ATP10A: variants seen among roughly 807,000 people sequenced by gnomAD.
ATP10A encodes ATPase phospholipid transporting 10A (putative).
A neutral mutation model predicts 147.8 loss-of-function variants in ATP10A; 111 were observed. The observed-to-expected ratio is 0.75, with a 90% CI of 0.64 to 0.88. The LOEUF (loss-of-function observed/expected upper bound fraction) is 0.88. ATP10A is among the 40% of genes least tolerant of loss of function. ATP10A has a pLI of 0.00. For missense variants in ATP10A, 1,927 were observed against 1,959.0 expected, an observed-to-expected ratio of 0.98 and a Z score of 0.31; for synonymous variants, 875 against 841.6, an observed-to-expected ratio of 1.04 and a Z score of -0.69.
At chr15:25,680,703 C>A (rs1291781652) in intron 19 of ATP10A, 107 bp downstream of exon 19, 2 of 1,029,706 alleles carry the variant, frequency 1.9e-6, no homozygotes, top group South Asian at 1.3e-5. Flanking sequence ...GCTTTGCAGT[C>A]TCCTGTCTAC....
chr15:25,826,786 C>T (rs544729860), intron 1 of ATP10A, among the ~76,000 whole-genome samples: 3 of 152,232 alleles, frequency 2.0e-5, no homozygotes, highest in South Asian at 4.2e-4. Flanking sequence ...CAGAACAAGA[C>T]TCTGTCTCAA....
intron 10 of ATP10A, chr15:25,708,606 C>T (rs1901199038): frequency 3.4e-6 from 1 of 291,822 alleles, no homozygotes; most frequent in Non-Finnish European, 6.4e-6. Flanking sequence ...CAGATGTGAG[C>T]CACTGCGCCC....
chr15:25,781,166 C>T lies in ATP10A; in HGVS notation c.507G>A (p.Val169=). The change falls in exon 2 of 21, where the codon GTG becomes GTA. Residue 169 remains valine (V), a synonymous_variant. Coordinates refer to ENST00000555815, the MANE Select transcript of ATP10A (RefSeq NM_024490.4). ...FWKEIHVGDF[V]RLRCNEIFPA... is the part of the protein sequence containing the mutation. ...GGAAGATTTCGTTGCAGCGAAGACG[C>T]ACAAAGTCTCCCACGTGGATTTCTT... 3 of 1,614,218 alleles carry T rather than the reference C, an allele frequency of 1.9e-6. No homozygotes were observed. Among genetic ancestry groups the T allele is most frequent in the Non-Finnish European group, 2.5e-6 (3 of 1,180,034 alleles).
intron 1 of ATP10A, among the ~76,000 whole-genome samples, chr15:25,802,804 G>C (rs1348575172): frequency 2.6e-5 from 4 of 152,130 alleles, no homozygotes; most frequent in Admixed American, 2.0e-4. Flanking sequence ...AGATGATCCA[G>C]GAGAATCTAT....
chr15:25,749,905 T>C (rs1010433294), intron 2 of ATP10A, among the ~76,000 whole-genome samples: 5 of 151,708 alleles, frequency 3.3e-5, no homozygotes, highest in South Asian at 4.2e-4. Context: ...ACTTGAAAAA[T>C]AGTAACCAAA....
intron 2 of ATP10A, among the ~76,000 whole-genome samples, chr15:25,756,590 C>T (rs1888424396): frequency 6.6e-6 from 1 of 152,018 alleles, no homozygotes; most frequent in Non-Finnish European, 1.5e-5. Context: ...TTGCAGTCAG[C>T]CGAGATCCTA....
chr15:25,737,698 T>G (rs1887363202), intron 2 of ATP10A, among the ~76,000 whole-genome samples: 1 of 152,168 alleles, frequency 6.6e-6, no homozygotes, highest in East Asian at 1.9e-4. Flanking sequence ...AGAACTCATA[T>G]ATTGAAGTCC....
At chr15:25,734,441 A>G (rs1393353242) in intron 3 of ATP10A, among the ~76,000 whole-genome samples, 2 of 152,060 alleles carry the variant, frequency 1.3e-5, no homozygotes. Flanking sequence ...ACCCTTCACA[A>G]TCATTGTTTC....
chr15:25,691,886 T>A (rs4906745), intron 14 of ATP10A, 95 bp from the exon 15 acceptor site: 5 of 1,463,194 alleles, frequency 3.4e-6, no homozygotes, highest in Non-Finnish European at 4.8e-6. Flanking sequence ...CCCGCTGAAC[T>A]CAGTCCTGTG....
At chr15:25,847,750 C>T (rs4906637) in intron 1 of ATP10A, among the ~76,000 whole-genome samples, 118,410 of 150,628 alleles carry the variant, frequency 0.79, 51,434 homozygotes, top group East Asian at 1. Flanking sequence ...ACAATCTCAG[C>T]CCCGCAAGCA....
chr15:25,678,395 G>T (rs1453861397), downstream of ATP10A: 1 of 152,036 alleles, frequency 6.6e-6, no homozygotes, highest in Non-Finnish European at 1.5e-5. Flanking sequence ...TAGAAAGAAG[G>T]GCTCGGAAGA....
At chr15:25,794,482 C>A (rs1890574062) in intron 1 of ATP10A, among the ~76,000 whole-genome samples, 1 of 152,144 alleles carries the variant, frequency 6.6e-6, no homozygotes, top group Admixed American at 6.6e-5. Context: ...AGTAAAGTAC[C>A]TTAAGCAAAC....
intron 2 of ATP10A, among the ~76,000 whole-genome samples, chr15:25,749,347 T>C (rs1399150741): frequency 6.6e-6 from 1 of 152,048 alleles, no homozygotes; most frequent in Non-Finnish European, 1.5e-5. Flanking sequence ...AAGAGAGAAA[T>C]AGAGGGAACT....
chr15:25,682,037 G>A (rs551467891), intron 17 of ATP10A, among the ~76,000 whole-genome samples: 1 of 136,998 alleles, frequency 7.3e-6, no homozygotes, highest in East Asian at 2.2e-4. Flanking sequence ...CTGGGTGACA[G>A]AGCGAGACCT....
At chr15:25,714,360 G>A (rs1901647874) in intron 9 of ATP10A, 119 bp from the exon 10 acceptor site, 3 of 872,942 alleles carry the variant, frequency 3.4e-6, no homozygotes, top group Non-Finnish European at 5.3e-6. Flanking sequence ...CTTCCCCACT[G>A]GGGTCTCAGA....
intron 1 of ATP10A, among the ~76,000 whole-genome samples, chr15:25,807,587 G>A (rs1284296159): frequency 1.3e-5 from 2 of 152,198 alleles, no homozygotes; most frequent in Admixed American, 1.3e-4. Context: ...CAGATCACCT[G>A]AGGTCAAGAG....
intron 2 of ATP10A, among the ~76,000 whole-genome samples, chr15:25,759,816 A>C (rs1461614010): frequency 1.3e-5 from 2 of 150,470 alleles, no homozygotes; most frequent in Non-Finnish European, 3.0e-5. Flanking sequence ...AAAAAAAAAA[A>C]TAGTGAAAAG....
intron 1 of ATP10A, among the ~76,000 whole-genome samples, chr15:25,833,298 T>A (rs1270996918): frequency 5.9e-5 from 9 of 152,232 alleles, no homozygotes; most frequent in South Asian, 4.1e-4. Flanking sequence ...TTTTTTATTT[T>A]TATCTTTAAT....
At chr15:25,752,522 G>C (rs1286838384) in intron 2 of ATP10A, among the ~76,000 whole-genome samples, 1 of 152,140 alleles carries the variant, frequency 6.6e-6, no homozygotes, top group Non-Finnish European at 1.5e-5. Flanking sequence ...GATGGTCAAA[G>C]GGTACAACAT....
Sources: allele counts gnomAD v4.1 joint callset (sites outside exome capture counted in the v4.1 genomes callset), GRCh38; gene constraint gnomAD v4.1.1; transcripts MANE v1.5; gene names NCBI Gene and HGNC (gene_info 2026-07-23, HGNC 2026-07-21).